Variants in SEMA3B observed in about 807,000 individuals in gnomAD.
The protein encoded by SEMA3B is semaphorin-3B.
Under a neutral mutation model 77.8 loss-of-function variants are expected in SEMA3B, and 71 were observed. The observed-to-expected ratio is 0.91, with a 90% CI of 0.75 to 1.11. The LOEUF (loss-of-function observed/expected upper bound fraction) is 1.11, where lower values mean the gene tolerates loss of function less well. Ranked by LOEUF, SEMA3B falls within the 50% of genes most tolerant of loss-of-function variation. The pLI, the probability that SEMA3B is intolerant of heterozygous loss-of-function variation, is 0.00. For synonymous variants in SEMA3B, 470 were observed against 452.9 expected, an observed-to-expected ratio of 1.04 and a Z score of -0.48; for missense variants, 968 against 1,056.8, an observed-to-expected ratio of 0.92 and a Z score of 1.17.
intron 5 of SEMA3B, 70 bp from the exon 6 acceptor site, chr3:50,271,291 C>A: frequency 1.3e-6 from 2 of 1,549,282 alleles, no homozygotes; most frequent in Non-Finnish European, 1.7e-6. Flanking sequence ...TCACTCACTC[C>A]CAGAGCTCCC....
the SEMA3B span, chr3:50,261,608 T>TG: frequency 2.6e-5 from 4 of 152,230 alleles, no homozygotes; most frequent in African/African-American, 9.7e-5. Context: ...AGCAGGTAGG[T>TG]GCAGACCTAG....
chr3:50,269,177 C>A lies in SEMA3B; in HGVS notation c.-64C>A. The A allele has an allele frequency of 8.2e-7, 1 of 1,225,110 alleles. No individual in the cohort carries two copies. The highest frequency in any genetic ancestry group is 1.2e-6 in the Non-Finnish European group (1 of 863,496). 75.9% of individuals were successfully genotyped at this position (1,225,110 alleles called of 1,614,324 possible). On this transcript the variant is annotated 5_prime_UTR_variant, in exon 1 of 17. Coordinates refer to ENST00000616701, the MANE Select transcript of SEMA3B (RefSeq NM_001290060.2). The surrounding 1 kb of genome is among the most constrained non-coding windows in gnomAD (Gnocchi z 4.0). ...CTCTTCCAGATCCTGGGGCAGAGTC[C>A]AGGGCAGCTCAAGGCTCCTCCACAC...
upstream of SEMA3B, among the ~76,000 whole-genome samples, chr3:50,268,293 GGTCTCCTGGGTA>G (rs1700952869): frequency 6.6e-6 from 1 of 152,172 alleles, no homozygotes; most frequent in Non-Finnish European, 1.5e-5. Flanking sequence ...CCAGGTCTTG[GGTCTCCTGGGTA>G]GCACTTCTCC....
At position 50,275,713 on chromosome 3, in the gene SEMA3B, C is replaced by T. The variant is rs1309910776; in HGVS notation, c.1714C>T (p.Arg572Cys). ...PSTLCSGDSS[R>C]PALLEHKVFG... ...TTTCTTCTCGCCCCAAGACTCGTCT[C>T]GTCCCGCGCTGCTGGAACACAAGGT... Residue 572 changes from arginine (R) to cysteine (C), a missense_variant, in exon 16 of 17, where the codon CGT becomes TGT. Transcript: ENST00000616701. The surrounding 1 kb of genome is among the most constrained non-coding windows in gnomAD (Gnocchi z 7.5). The T allele has an allele frequency of 1.2e-6, 2 of 1,612,328 alleles. No homozygotes were observed. Among genetic ancestry groups the T allele is most frequent in the South Asian group, 1.1e-5 (1 of 90,956 alleles).
At position 50,273,237 on chromosome 3, in the gene SEMA3B, T is replaced by C. The variant is rs782142412; in HGVS notation, c.665-61T>C. The C allele has an allele frequency of 1.3e-6, 2 of 1,558,258 alleles. No homozygotes were observed. The highest frequency in any genetic ancestry group is 2.7e-5 in the African/African-American group (2 of 73,512). Reference sequence around the variant, plus strand: ...CACTACGGGAAGGGGAAGCAGCGCGTGGGTCTCGCATCAGGAGGCAAGGCC... The same window carrying C: ...CACTACGGGAAGGGGAAGCAGCGCGCGGGTCTCGCATCAGGAGGCAAGGCC... On this transcript the variant is annotated intron_variant, in intron 6 of 16. Transcript: ENST00000616701. The surrounding 1 kb of genome is among the most constrained non-coding windows in gnomAD (Gnocchi z 6.5).
upstream of SEMA3B, among the ~76,000 whole-genome samples, chr3:50,264,849 T>C (rs1700872743): frequency 6.6e-6 from 1 of 151,104 alleles, no homozygotes; most frequent in Non-Finnish European, 1.5e-5. Flanking sequence ...AGAGCTGTGA[T>C]GTGGCTGGTT....
In SEMA3B at chr3:50,275,384, A is replaced by G. The variant is rs1312541008; in HGVS notation, c.1574A>G (p.Glu525Gly). The change falls in exon 14 of 17, where the codon GAA becomes GGA. Residue 525 changes from glutamate to glycine, a missense_variant. Glu to Gly is a moderately conservative substitution (Grantham distance 98). Coordinates refer to ENST00000616701, the MANE Select transcript of SEMA3B (RefSeq NM_001290060.2). This position sits in a 1 kb window ranked among gnomAD's most constrained non-coding sequence, Gnocchi z 7.5. ...RCAAHGRVCT[E>G]CCLARDPYCA... ...GCTGCCCACGGCCGCGTCTGCACCG[A>G]ATGCTGTCTGGCGCGTGACCCCTAC... 1.9e-6 allele frequency: 3 copies of G among 1,591,278 alleles called. No homozygotes were observed. Among genetic ancestry groups the G allele is most frequent in the Non-Finnish European group, 2.6e-6 (3 of 1,169,956 alleles).
At position 50,271,341 on chromosome 3, in the gene SEMA3B, G is replaced by T; in HGVS notation, c.545-20G>T. The T allele has an allele frequency of 6.4e-7, 1 of 1,559,836 alleles. No homozygotes were observed. Among genetic ancestry groups the T allele is most frequent in the Non-Finnish European group, 8.7e-7 (1 of 1,151,842 alleles). On this transcript the variant is annotated intron_variant, in intron 5 of 16. Coordinates refer to ENST00000616701, the MANE Select transcript of SEMA3B (RefSeq NM_001290060.2). ...CCAAGAGCCCTCCATTTGCCTGAGT[G>T]GCCCTTGCTCTGTCTGCAGGGGAGG...
rs781965536 is a variant in SEMA3B at position 50,270,919 on chromosome 3, G to A, written c.360G>A (p.Leu120=). Residue 120 remains leucine, a synonymous_variant, in exon 4 of 17, where the codon CTG becomes CTA. Coordinates refer to ENST00000616701, the MANE Select transcript of SEMA3B (RefSeq NM_001290060.2). This position sits in a 1 kb window ranked among gnomAD's most constrained non-coding sequence, Gnocchi z 4.7. ...AGTGCATGAACTTCGTGAAGTTGCTGCATGCCTACAACCGCACCCATTTGC... is the reference window on the plus strand; with the variant it reads ...AGTGCATGAACTTCGTGAAGTTGCTACATGCCTACAACCGCACCCATTTGC... ...GTECMNFVKL[L]HAYNRTHLLA... 6.2e-7 allele frequency: 1 copy of A among 1,610,764 alleles called. No individual in the cohort carries two copies. The highest frequency in any genetic ancestry group is 1.1e-5 in the South Asian group (1 of 90,208).
Position 50,275,589 on chromosome 3 carries a change from G to A in SEMA3B, c.1679G>A (p.Gly560Asp), listed in dbSNP as rs781816836. ...TTCCGGCGGCAAGACGTAAGGAATG[G>A]CGACCCCAGCACGTTGTGCTCCGGA... ...RRFRRQDVRN[G>D]DPSTLCSGDS... The change falls in exon 15 of 17, where the codon GGC becomes GAC. Residue 560 changes from glycine (G) to aspartate (D), a missense_variant. Coordinates refer to ENST00000616701, the MANE Select transcript of SEMA3B (RefSeq NM_001290060.2). The surrounding 1 kb of genome is among the most constrained non-coding windows in gnomAD (Gnocchi z 7.5). 7 of 1,613,730 alleles carry A rather than the reference G, an allele frequency of 4.3e-6. No homozygotes were observed. In the South Asian group the frequency reaches 6.6e-5, roughly 15 times the overall value.
upstream of SEMA3B, among the ~76,000 whole-genome samples, chr3:50,265,436 A>G (rs1055730570): frequency 6.6e-6 from 1 of 151,764 alleles, no homozygotes; most frequent in South Asian, 2.1e-4. Context: ...GAGTCCAGGC[A>G]GGGGCAAAGG....
chr3:50,275,383 G>C lies in SEMA3B; in HGVS notation c.1573G>C (p.Glu525Gln), dbSNP rs1553706351. 15 of 1,590,672 alleles carry C rather than the reference G, an allele frequency of 9.4e-6. No homozygotes were observed. The highest frequency in any genetic ancestry group is 1.3e-5 in the Non-Finnish European group (15 of 1,169,556). Reference sequence around the variant, plus strand: ...CGCTGCCCACGGCCGCGTCTGCACCGAATGCTGTCTGGCGCGTGACCCCTA... The same window carrying C: ...CGCTGCCCACGGCCGCGTCTGCACCCAATGCTGTCTGGCGCGTGACCCCTA... ...RCAAHGRVCT[E>Q]CCLARDPYCA... The change falls in exon 14 of 17, where the codon GAA becomes CAA. Residue 525 changes from glutamate to glutamine, a missense_variant. Glu to Gln is a conservative substitution (Grantham distance 29). Coordinates refer to ENST00000616701, the MANE Select transcript of SEMA3B (RefSeq NM_001290060.2). The surrounding 1 kb of genome is among the most constrained non-coding windows in gnomAD (Gnocchi z 7.5).
rs1184563892 is a variant in SEMA3B, at chr3:50,273,930, C to G, written c.1010C>G (p.Ser337Cys). The change falls in exon 10 of 17, where the codon TCT (serine) becomes TGT (cysteine). Residue 337 changes from serine to cysteine, a missense_variant. Transcript: ENST00000616701. This position sits in a 1 kb window ranked among gnomAD's most constrained non-coding sequence, Gnocchi z 6.5. The part of the protein sequence containing the change: ...FSTSSSIFQG[S>C]AVCVYSMNDV... Reference sequence around the variant, plus strand: ...GCCTCCAGCAGCATCTTCCAGGGCTCTGCGGTGTGCGTGTACAGCATGAAC... The same window carrying G: ...GCCTCCAGCAGCATCTTCCAGGGCTGTGCGGTGTGCGTGTACAGCATGAAC... 8 of 1,611,084 alleles carry G rather than the reference C, an allele frequency of 5.0e-6. No individual in the cohort carries two copies. Among genetic ancestry groups the G allele is most frequent in the Non-Finnish European group, 6.8e-6 (8 of 1,178,054 alleles).
At chr3:50,272,846 T>A (rs371564193) in intron 6 of SEMA3B, among the ~76,000 whole-genome samples, 2 of 147,198 alleles carry the variant, frequency 1.4e-5, no homozygotes, top group Non-Finnish European at 3.0e-5. Context: ...AAAAAATAAA[T>A]AAATAAACAA....
chr3:50,274,217 T>C lies in SEMA3B; in HGVS notation c.1138-146T>C, dbSNP rs587613257. On this transcript the variant is annotated intron_variant, in intron 10 of 16. Coordinates refer to ENST00000616701, the MANE Select transcript of SEMA3B (RefSeq NM_001290060.2). The surrounding 1 kb of genome is among the most constrained non-coding windows in gnomAD (Gnocchi z 4.7). ...GGCTTGTTTCCCGCCTCTGACTTCC[T>C]AGGGCAAGGCTGATCTCCTCTCTAA... 11 of 1,296,906 alleles carry C rather than the reference T, an allele frequency of 8.5e-6. No homozygotes were observed. In the South Asian group the frequency reaches 1.2e-4, roughly 14 times the overall value. 80.3% of individuals were successfully genotyped at this position (1,296,906 alleles called of 1,614,324 possible). A position where few individuals can be genotyped will look rare whatever the true frequency, so the allele number is the denominator to read the frequency against.
Position 50,274,598 on chromosome 3 carries a change from C to T in SEMA3B, c.1357+16C>T. On this transcript the variant is annotated intron_variant, in intron 11 of 16. Coordinates refer to ENST00000616701, the MANE Select transcript of SEMA3B (RefSeq NM_001290060.2). The surrounding 1 kb of genome is among the most constrained non-coding windows in gnomAD (Gnocchi z 4.7). ...ATTGGCACAGGTCAGGGTCCCTCCA[C>T]AGCGACCCCCAGGCTCCCAGCCAGG... is the stretch of plus-strand genomic sequence containing the variant. The T allele has an allele frequency of 6.6e-7, 1 of 1,517,224 alleles. No homozygotes were observed. The highest frequency in any genetic ancestry group is 8.8e-7 in the Non-Finnish European group (1 of 1,131,692). The allele number at this position is 1,517,224 out of a possible 1,614,324, so 94.0% of individuals were successfully genotyped here.
chr3:50,265,731 G>A (rs1385541862), upstream of SEMA3B, among the ~76,000 whole-genome samples: 2 of 152,208 alleles, frequency 1.3e-5, no homozygotes, highest in Non-Finnish European at 2.9e-5. Flanking sequence ...TCCTCGAGGA[G>A]TTCCAGCCCC....
Position 50,273,905 on chromosome 3 carries a change from G to C in SEMA3B, c.993-8G>C, listed in dbSNP as rs782406840. Reference sequence around the variant, plus strand: ...GGCCCCTCACCTCGCCCTGGTCTTCGCCTCCAGCAGCATCTTCCAGGGCTC... The same window carrying C: ...GGCCCCTCACCTCGCCCTGGTCTTCCCCTCCAGCAGCATCTTCCAGGGCTC... On this transcript the variant is annotated splice_polypyrimidine_tract_variant and splice_region_variant and intron_variant, in intron 9 of 16. Coordinates refer to ENST00000616701, the MANE Select transcript of SEMA3B (RefSeq NM_001290060.2). This position sits in a 1 kb window ranked among gnomAD's most constrained non-coding sequence, Gnocchi z 6.5. 2.1e-5 allele frequency: 34 copies of C among 1,595,156 alleles called. No individual in the cohort carries two copies. The highest frequency in any genetic ancestry group is 2.9e-5 in the Non-Finnish European group (34 of 1,167,768).
In SEMA3B at chr3:50,273,740, C is replaced by T. The variant is rs781934883; in HGVS notation, c.923-19C>T. Reference sequence around the variant, plus strand: ...AGCGGGGCTGTGCGCCCTACCCCAGCTAGGCCCCTTCCCCGCAGAGGATGT... The same window carrying T: ...AGCGGGGCTGTGCGCCCTACCCCAGTTAGGCCCCTTCCCCGCAGAGGATGT... On this transcript the variant is annotated intron_variant, in intron 8 of 16. Transcript: ENST00000616701. This position sits in a 1 kb window ranked among gnomAD's most constrained non-coding sequence, Gnocchi z 6.5. 1.2e-6 allele frequency: 2 copies of T among 1,604,944 alleles called. No individual in the cohort carries two copies. The highest frequency in any genetic ancestry group is 1.7e-5 in the Admixed American group (1 of 59,566).
Sources: allele counts gnomAD v4.1 joint callset (sites outside exome capture counted in the v4.1 genomes callset), GRCh38; gene constraint gnomAD v4.1.1; non-coding constraint Gnocchi (gnomAD v3.1); transcripts MANE v1.5; gene names NCBI Gene and HGNC (gene_info 2026-07-23, HGNC 2026-07-21).